SYNJ2BP: variants seen among roughly 807,000 people sequenced by gnomAD.
SYNJ2BP encodes the protein synaptojanin 2 binding protein.
A neutral mutation model predicts 16.9 loss-of-function variants in SYNJ2BP; 10 were observed. The observed-to-expected ratio is 0.59, with a 90% CI of 0.36 to 1.00. The LOEUF is 1.00. Ranked by LOEUF, SYNJ2BP falls within the 50% of genes least tolerant of loss-of-function variation. The pLI is 0.01. For missense variants in SYNJ2BP, 162 were observed against 186.7 expected, an observed-to-expected ratio of 0.87 and a Z score of 0.77; for synonymous variants, 54 against 68.4, an observed-to-expected ratio of 0.79 and a Z score of 1.04.
At chr14:70,381,547 C>T (rs1887750120) in intron 2 of SYNJ2BP, among the ~76,000 whole-genome samples, 1 of 152,194 alleles carries the variant, frequency 6.6e-6, no homozygotes, top group South Asian at 2.1e-4. Context: ...TCCAGCTGCT[C>T]AGTGACTAAC....
At chr14:70,408,684 A>AC (rs1888404124) in intron 1 of SYNJ2BP, among the ~76,000 whole-genome samples, 1 of 151,674 alleles carries the variant, frequency 6.6e-6, no homozygotes, top group South Asian at 2.1e-4. Context: ...AAAAAAAAAA[A>AC]AAATCATTGA....
intron 1 of SYNJ2BP, among the ~76,000 whole-genome samples, chr14:70,393,255 C>A (rs1243378460): frequency 6.6e-6 from 1 of 152,068 alleles, no homozygotes; most frequent in Non-Finnish European, 1.5e-5. Context: ...AAAAGAGATG[C>A]CATCTCATGC....
intron 1 of SYNJ2BP, among the ~76,000 whole-genome samples, chr14:70,413,562 C>G (rs1465332029): frequency 6.6e-6 from 1 of 152,234 alleles, no homozygotes; most frequent in African/African-American, 2.4e-5. Flanking sequence ...TTGCTTGAAC[C>G]TGGGAGGCAG....
intron 1 of SYNJ2BP, among the ~76,000 whole-genome samples, chr14:70,399,786 T>C (rs929213883): frequency 2.0e-5 from 3 of 152,162 alleles, no homozygotes; most frequent in Non-Finnish European, 4.4e-5. Context: ...CAGGATCCTA[T>C]CTAAGGGTCA....
At chr14:70,413,889 A>G (rs952637250) in intron 1 of SYNJ2BP, among the ~76,000 whole-genome samples, 9 of 152,244 alleles carry the variant, frequency 5.9e-5, no homozygotes, top group Admixed American at 2.0e-4. Flanking sequence ...CTGATTAAAC[A>G]TCAGGTTCCT....
chr14:70,374,144 C>T (rs1887575313), intron 3 of SYNJ2BP, among the ~76,000 whole-genome samples: 1 of 152,196 alleles, frequency 6.6e-6, no homozygotes, highest in Admixed American at 6.5e-5. Context: ...AAAGTGAACA[C>T]TGGAAATAAC....
chr14:70,399,976 A>AC (rs1213898448), intron 1 of SYNJ2BP, among the ~76,000 whole-genome samples: 1 of 152,138 alleles, frequency 6.6e-6, no homozygotes, highest in Non-Finnish European at 1.5e-5. Flanking sequence ...TGGTTGGTTC[A>AC]CCCCTACAAT....
At chr14:70,386,000 C>T (rs1887851805) in intron 2 of SYNJ2BP, among the ~76,000 whole-genome samples, 1 of 152,144 alleles carries the variant, frequency 6.6e-6, no homozygotes, top group African/African-American at 2.4e-5. Flanking sequence ...TACTTCTCAC[C>T]ATTCTCATTT....
chr14:70,400,128 A>G (rs1291020291), intron 1 of SYNJ2BP, among the ~76,000 whole-genome samples: 1 of 152,244 alleles, frequency 6.6e-6, no homozygotes, highest in Non-Finnish European at 1.5e-5. Context: ...CCTGTTCACA[A>G]TCTCCAAAGT....
rs1282610391 is a variant in SYNJ2BP, at chr14:70,367,848, C to T, written c.*5143G>A. 1 of 152,108 alleles carries T rather than the reference C, an allele frequency of 6.6e-6. No individual in the cohort carries two copies. The highest frequency in any genetic ancestry group is 6.6e-5 in the Admixed American group (1 of 15,264). 9.4% of individuals were successfully genotyped at this position (152,108 alleles called of 1,614,324 possible). ...TCAAAATCACCTACAAATATTCCTCCACTTTCATATGCTGAGCAATTTCAG... is the reference window on the plus strand; with the variant it reads ...TCAAAATCACCTACAAATATTCCTCTACTTTCATATGCTGAGCAATTTCAG... On this transcript the variant is annotated 3_prime_UTR_variant, in exon 4 of 4. Coordinates refer to ENST00000256366, the MANE Select transcript of SYNJ2BP (RefSeq NM_018373.3).
At chr14:70,389,375 T>TTC (rs1887931527) in intron 1 of SYNJ2BP, among the ~76,000 whole-genome samples, 1 of 95,214 alleles carries the variant, frequency 1.1e-5, no homozygotes, top group African/African-American at 3.0e-5. Context: ...GAGAGTTTCT[T>TTC]TTTTTTTTTT....
At chr14:70,412,879 G>T (rs1888519059) in intron 1 of SYNJ2BP, among the ~76,000 whole-genome samples, 1 of 152,032 alleles carries the variant, frequency 6.6e-6, no homozygotes, top group African/African-American at 2.4e-5. Flanking sequence ...CTTACCTGTT[G>T]CAGTGCAAAA....
chr14:70,381,812 C>A (rs994916314), intron 2 of SYNJ2BP, among the ~76,000 whole-genome samples: 3 of 152,244 alleles, frequency 2.0e-5, no homozygotes, highest in Non-Finnish European at 2.9e-5. Flanking sequence ...CTGGTCTCCA[C>A]TCCCAGACTA....
intron 1 of SYNJ2BP, among the ~76,000 whole-genome samples, chr14:70,395,310 C>A (rs1385171847): frequency 1.3e-5 from 2 of 152,190 alleles, no homozygotes; most frequent in Non-Finnish European, 2.9e-5. Context: ...AATAACAATT[C>A]TGGACATAAT....
chr14:70,375,011 G>GTTCA (rs1887595570), intron 3 of SYNJ2BP, among the ~76,000 whole-genome samples: 1 of 150,264 alleles, frequency 6.7e-6, no homozygotes, highest in Admixed American at 6.6e-5. Context: ...TTGAACTCCC[G>GTTCA]GGCTCAAGCA....
At chr14:70,391,277 A>G (rs932322664) in intron 1 of SYNJ2BP, among the ~76,000 whole-genome samples, 3 of 152,324 alleles carry the variant, frequency 2.0e-5, no homozygotes, top group East Asian at 1.9e-4. Context: ...GCAAGACCCT[A>G]TTCTCTAAAA....
chr14:70,417,000 T>G lies in SYNJ2BP; in HGVS notation c.-37A>C, dbSNP rs779853816. ...CGTCTGGCTTCCTACTTGGGTCAGC[T>G]GGAGTGCAGCACAGGTGAAGGTGAA... On this transcript the variant is annotated 5_prime_UTR_variant, in exon 1 of 4. Transcript: ENST00000256366. 3 of 1,614,110 alleles carry G rather than the reference T, an allele frequency of 1.9e-6. No individual in the cohort carries two copies. The highest frequency in any genetic ancestry group is 1.7e-6 in the Non-Finnish European group (2 of 1,180,000).
At chr14:70,410,512 G>A (rs1432338897) in intron 1 of SYNJ2BP, among the ~76,000 whole-genome samples, 3 of 152,008 alleles carry the variant, frequency 2.0e-5, no homozygotes, top group Non-Finnish European at 4.4e-5. Flanking sequence ...ACTGACCACT[G>A]TGTGTCATGC....
chr14:70,388,604 G>A lies in SYNJ2BP; in HGVS notation c.67C>T (p.Leu23=), dbSNP rs757982391. 21 of 1,502,348 alleles carry A rather than the reference G, an allele frequency of 1.4e-5. No homozygotes were observed. Among genetic ancestry groups the A allele is most frequent in the South Asian group, 9.5e-5 (7 of 73,460 alleles). The allele number at this position is 1,502,348 out of a possible 1,614,324, so 93.1% of individuals were successfully genotyped here. A position where few individuals can be genotyped will look rare whatever the true frequency, so the allele number is the denominator to read the frequency against. ...EINLTRGPSG[L]GFNIVGGTDQ... Reference sequence around the variant, plus strand: ...GTCCCACCGACGATGTTGAAGCCCAGCCCTGAGAAAATCATGGAGGAGTAA... The same window carrying A: ...GTCCCACCGACGATGTTGAAGCCCAACCCTGAGAAAATCATGGAGGAGTAA... Residue 23 remains leucine (L), a splice_region_variant and synonymous_variant, in exon 2 of 4, where the codon CTG becomes TTG. Coordinates refer to ENST00000256366, the MANE Select transcript of SYNJ2BP (RefSeq NM_018373.3).
Sources: allele counts gnomAD v4.1 joint callset (sites outside exome capture counted in the v4.1 genomes callset), GRCh38; gene constraint gnomAD v4.1.1; transcripts MANE v1.5; gene names NCBI Gene and HGNC (gene_info 2026-07-23, HGNC 2026-07-21).